DISC1: variants seen among roughly 807,000 people sequenced by gnomAD.
The protein encoded by DISC1 is disrupted in schizophrenia 1 protein.
A neutral mutation model predicts 84.5 loss-of-function variants in DISC1; 57 were observed. That is an observed-to-expected ratio of 0.67 (90% CI 0.55 to 0.84). DISC1 has a LOEUF of 0.84. Ranked by LOEUF, DISC1 falls within the 40% of genes least tolerant of loss-of-function variation. DISC1 has a pLI of 0.00. For synonymous variants in DISC1, 411 were observed against 415.2 expected (o/e 0.99, Z 0.12); for missense variants, 1,000 against 1,057.8 (o/e 0.95, Z 0.76).
At chr1:232,028,690 T>C (rs2103050114) in intron 12 of DISC1, among the ~76,000 whole-genome samples, 1 of 152,296 alleles carries the variant, frequency 6.6e-6, no homozygotes, top group East Asian at 1.9e-4. Flanking sequence ...GTGCATGATT[T>C]TAGGTAGAAA....
At chr1:231,834,892 C>CA (rs1218334947) in intron 9 of DISC1, among the ~76,000 whole-genome samples, 1 of 152,176 alleles carries the variant, frequency 6.6e-6, no homozygotes, top group Non-Finnish European at 1.5e-5. Flanking sequence ...GATTAAACAC[C>CA]AAGCGAAGAC....
At chr1:231,985,567 G>A (rs1002438836) in intron 10 of DISC1, among the ~76,000 whole-genome samples, 10 of 152,172 alleles carry the variant, frequency 6.6e-5, no homozygotes, top group African/African-American at 1.2e-4. Flanking sequence ...ACATATTTGT[G>A]TGTATGCGTG....
rs771557495 is a variant in DISC1 at position 231,694,258 on chromosome 1, G to A, written c.500G>A (p.Gly167Glu). The stretch of plus-strand genomic sequence containing the variant: ...AGCTGGGAGGCAGCCTGCAGCGATG[G>A]AGCAAGGCGTGTCCGGGCAGCAGGC... ...DASWEAACSD[G>E]ARRVRAAGSL... The change falls in exon 2 of 13, where the codon GGA (glycine) becomes GAA (glutamate). Residue 167 changes from glycine (G) to glutamate (E), a missense_variant. Physicochemically the swap from Gly to Glu is moderately conservative, Grantham distance 98. Transcript: ENST00000439617. The A allele has an allele frequency of 6.2e-7, 1 of 1,614,130 alleles. No individual in the cohort carries two copies. The highest frequency in any genetic ancestry group is 1.3e-5 in the African/African-American group (1 of 74,956).
At chr1:232,029,233 G>A (rs1669769205) in intron 12 of DISC1, among the ~76,000 whole-genome samples, 1 of 152,160 alleles carries the variant, frequency 6.6e-6, no homozygotes, top group South Asian at 2.1e-4. Context: ...TCTACACCAC[G>A]ATATGGATTT....
intron 10 of DISC1, among the ~76,000 whole-genome samples, chr1:231,985,408 G>A (rs959110427): frequency 5.3e-5 from 8 of 151,770 alleles, no homozygotes; most frequent in Non-Finnish European, 7.4e-5. Flanking sequence ...AGACTGAATG[G>A]TATGAAAAGC....
Position 231,778,310 on chromosome 1 carries a change from T to A in DISC1, c.1634+7240T>A, listed in dbSNP as rs568260808. On this transcript the variant is annotated intron_variant, in intron 6 of 12. Transcript: ENST00000439617. The stretch of plus-strand genomic sequence containing the variant: ...ATTACTTGTCTGTGAAAAGAGGGTT[T>A]GAACTGGGTGGCGTGGAAGGTCTTT... 2.0e-5 allele frequency among the ~76,000 whole-genome samples: 3 copies of A among 152,328 alleles called. No individual in the cohort carries two copies. In the South Asian group the frequency reaches 6.2e-4, roughly 32 times the overall value.
At chr1:231,740,505 C>A (rs1044589537) in intron 3 of DISC1, among the ~76,000 whole-genome samples, 1 of 152,164 alleles carries the variant, frequency 6.6e-6, no homozygotes, top group Non-Finnish European at 1.5e-5. Flanking sequence ...GGTGGCTGAG[C>A]GAGCTCACTT....
chr1:231,964,549 T>C (rs1660832262), intron 10 of DISC1, among the ~76,000 whole-genome samples: 1 of 152,074 alleles, frequency 6.6e-6, no homozygotes, highest in South Asian at 2.1e-4. Context: ...CAGCTAGGAG[T>C]CTGCAACCCC....
intron 3 of DISC1, among the ~76,000 whole-genome samples, chr1:231,733,864 G>C (rs1485978921): frequency 3.3e-5 from 5 of 150,914 alleles, no homozygotes; most frequent in Non-Finnish European, 5.9e-5. Flanking sequence ...GGTAGGGGTG[G>C]TGGTGACAGT....
chr1:231,752,714 A>G (rs1387752932), intron 4 of DISC1, among the ~76,000 whole-genome samples: 2 of 152,242 alleles, frequency 1.3e-5, no homozygotes, highest in African/African-American at 4.8e-5. Flanking sequence ...TCAAAAGTCC[A>G]AAGTCTCATC....
intron 1 of DISC1, among the ~76,000 whole-genome samples, chr1:231,650,686 C>T (rs1242679528): frequency 1.3e-5 from 2 of 152,220 alleles, no homozygotes; most frequent in East Asian, 3.8e-4. Context: ...CTCCCCGTCA[C>T]TTTCAGGTAC....
intron 1 of DISC1, among the ~76,000 whole-genome samples, chr1:231,631,524 G>A (rs2058709159): frequency 6.6e-6 from 1 of 152,294 alleles, no homozygotes; most frequent in South Asian, 2.1e-4. Context: ...AAGGTGTGGA[G>A]GTGGAAGGCA....
chr1:231,732,540 A>G (rs961552385), intron 3 of DISC1, among the ~76,000 whole-genome samples: 6 of 152,344 alleles, frequency 3.9e-5, no homozygotes, highest in East Asian at 3.9e-4. Flanking sequence ...TAAAAGAAAA[A>G]TATCCTTTGT....
At chr1:231,821,191 G>A (rs1256845560) in intron 9 of DISC1, among the ~76,000 whole-genome samples, 2 of 152,172 alleles carry the variant, frequency 1.3e-5, no homozygotes, top group East Asian at 1.9e-4. Context: ...AATGACACAT[G>A]AATGAGTCCT....
intron 1 of DISC1, among the ~76,000 whole-genome samples, chr1:231,661,414 A>G (rs1258859257): frequency 6.6e-6 from 1 of 151,906 alleles, no homozygotes; most frequent in Non-Finnish European, 1.5e-5. Context: ...ATAGAATCCC[A>G]TATTTCTTGG....
chr1:231,798,112 A>AG (rs1231739417), intron 7 of DISC1, among the ~76,000 whole-genome samples: 2 of 15,296 alleles, frequency 1.3e-4, no homozygotes, highest in African/African-American at 3.6e-4. Flanking sequence ...TGTTAGACAC[A>AG]CCACACACAC....
intron 3 of DISC1, among the ~76,000 whole-genome samples, chr1:231,706,397 A>G (rs1037313925): frequency 5.3e-5 from 8 of 152,160 alleles, no homozygotes; most frequent in African/African-American, 1.9e-4. Flanking sequence ...ACAAGTTTCT[A>G]TGTGGTTACT....
Position 231,727,087 on chromosome 1 carries a change from C to T in DISC1, c.1118-22839C>T, listed in dbSNP as rs534541552. Among the ~76,000 whole-genome samples the T allele has an allele frequency of 3.3e-5, 5 of 152,170 alleles. No homozygotes were observed. In the South Asian group the frequency reaches 1.0e-3, roughly 32 times the overall value. ...AAACACCAGCTCATCCCTGCCTGCT[C>T]CTGCTTGTCTTCAGGTGTCTGCAAG... is the stretch of plus-strand genomic sequence containing the variant. On this transcript the variant is annotated intron_variant, in intron 3 of 12. Coordinates refer to ENST00000439617, the MANE Select transcript of DISC1 (RefSeq NM_018662.3).
chr1:231,781,140 C>A, intron 6 of DISC1, among the ~76,000 whole-genome samples: 1 of 144,662 alleles, frequency 6.9e-6, no homozygotes. Flanking sequence ...GCACATGTAC[C>A]CTAAAACTTA....
Sources: gnomAD v4.1 joint callset for allele counts (sites outside exome capture counted in the v4.1 genomes callset) on GRCh38, gnomAD v4.1.1 for gene constraint, MANE v1.5 for transcripts, NCBI Gene and HGNC (gene_info 2026-07-23, HGNC 2026-07-21) for gene names.